RFTN2: variants seen among roughly 807,000 people sequenced by gnomAD.
The protein encoded by RFTN2 is raftlin family member 2, also known as raftlin-2.
In RFTN2, 34 loss-of-function variants were observed where a neutral mutation model predicts 52.7. The observed-to-expected ratio is 0.64, with a 90% CI of 0.49 to 0.86. The LOEUF is 0.86. RFTN2 is among the 40% of genes least tolerant of loss of function. The pLI is 0.00. For missense variants in RFTN2, 536 were observed against 600.1 expected, an observed-to-expected ratio of 0.89 and a Z score of 1.12; for synonymous variants, 203 against 217.7, an observed-to-expected ratio of 0.93 and a Z score of 0.59.
intron 2 of RFTN2, among the ~76,000 whole-genome samples, chr2:197,644,586 C>G (rs1312751098): frequency 6.6e-6 from 1 of 152,120 alleles, no homozygotes; most frequent in Non-Finnish European, 1.5e-5. Flanking sequence ...CGAACAAAAG[C>G]AGAAGTAAAA....
intron 8 of RFTN2, among the ~76,000 whole-genome samples, chr2:197,587,030 T>C (rs574645125): frequency 6.6e-6 from 1 of 152,256 alleles, no homozygotes; most frequent in African/African-American, 2.4e-5. Context: ...AATTCTTAAT[T>C]CTTTAATACC....
chr2:197,615,507 T>C (rs2088127156), intron 7 of RFTN2, among the ~76,000 whole-genome samples: 1 of 152,224 alleles, frequency 6.6e-6, no homozygotes, highest in African/African-American at 2.4e-5. Context: ...TTGGTTCTAA[T>C]GTAGGCATTT....
chr2:197,619,520 T>G (rs2106216339), intron 5 of RFTN2, among the ~76,000 whole-genome samples: 1 of 150,144 alleles, frequency 6.7e-6, no homozygotes, highest in African/African-American at 2.4e-5. Context: ...AAGATGTGCT[T>G]TGTTAAACAG....
intron 7 of RFTN2, among the ~76,000 whole-genome samples, chr2:197,603,679 G>A (rs1189262654): frequency 6.6e-6 from 1 of 152,136 alleles, no homozygotes; most frequent in African/African-American, 2.4e-5. Flanking sequence ...ACTTTGGGAG[G>A]TGAGGCAGGC....
At chr2:197,592,968 A>G (rs1439758493) in intron 8 of RFTN2, among the ~76,000 whole-genome samples, 1 of 152,202 alleles carries the variant, frequency 6.6e-6, no homozygotes, top group Non-Finnish European at 1.5e-5. Context: ...GCTGTTAGAC[A>G]CTTTGACTCC....
rs746747731 is a variant in RFTN2 at position 197,572,208 on chromosome 2, T to C, written c.1306A>G (p.Thr436Ala). The change falls in exon 9 of 9, where the codon ACC becomes GCC. Residue 436 changes from threonine to alanine, a missense_variant. Thr to Ala is a moderately conservative substitution (Grantham distance 58). Coordinates refer to ENST00000295049, the MANE Select transcript of RFTN2 (RefSeq NM_144629.3). Reference protein sequence around the residue: ...ATSRSIGLDTTSSQPAESRHL... With the variant: ...ATSRSIGLDTASSQPAESRHL... ...CTGCTCTCTGCAGGTTGTGACGAGG[T>C]TGTGTCTAATCCGATGCTTCTACTA... The C allele has an allele frequency of 6.2e-7, 1 of 1,614,204 alleles. No homozygotes were observed. Among genetic ancestry groups the C allele is most frequent in the East Asian group, 2.2e-5 (1 of 44,886 alleles).
chr2:197,637,724 G>C (rs1208690803), intron 3 of RFTN2, among the ~76,000 whole-genome samples: 1 of 149,692 alleles, frequency 6.7e-6, no homozygotes, highest in Non-Finnish European at 1.5e-5. Context: ...AGGGTTTTTT[G>C]TGTCTCTATT....
chr2:197,667,332 C>G lies in RFTN2; in HGVS notation c.139+7988G>C, dbSNP rs180774989. 1.4e-4 allele frequency among the ~76,000 whole-genome samples: 21 copies of G among 152,222 alleles called. No individual in the cohort carries two copies. In the East Asian group the frequency reaches 4.0e-3, roughly 29 times the overall value. On this transcript the variant is annotated intron_variant, in intron 1 of 8. Transcript: ENST00000295049. ...TCTCTGGTAAATTTGTCATTCATAT[C>G]CTGAATTGTTTTTCTGATTTATTTG...
At chr2:197,672,382 T>C (rs1388806125) in intron 1 of RFTN2, among the ~76,000 whole-genome samples, 1 of 152,148 alleles carries the variant, frequency 6.6e-6, no homozygotes, top group Non-Finnish European at 1.5e-5. Context: ...GAAAAATGTG[T>C]ATGAACCTTT....
In RFTN2 at chr2:197,633,799, C is replaced by G; in HGVS notation, c.637G>C (p.Glu213Gln). ...TGTCCACTTTCATGATGAAGTTCTT[C>G]CTCAATTCCGCTTTCAGATGACTGC... ...SGQSSESGIE[E>Q]ELHHESGQYQ... The change falls in exon 4 of 9, where the codon GAA becomes CAA. Residue 213 changes from glutamate to glutamine, a missense_variant. Coordinates refer to ENST00000295049, the MANE Select transcript of RFTN2 (RefSeq NM_144629.3). 1 of 1,613,854 alleles carries G rather than the reference C, an allele frequency of 6.2e-7. No homozygotes were observed. The highest frequency in any genetic ancestry group is 8.5e-7 in the Non-Finnish European group (1 of 1,179,834).
intron 5 of RFTN2, among the ~76,000 whole-genome samples, chr2:197,624,773 C>A (rs1226169298): frequency 6.6e-6 from 1 of 151,864 alleles, no homozygotes; most frequent in Non-Finnish European, 1.5e-5. Context: ...CCAGCCTGGG[C>A]AACATAGTGA....
At chr2:197,580,894 AT>A (rs991137242) in intron 8 of RFTN2, among the ~76,000 whole-genome samples, 1 of 152,016 alleles carries the variant, frequency 6.6e-6, no homozygotes, top group African/African-American at 2.4e-5. Context: ...TTTTAACCAA[AT>A]TATCTGCTTC....
chr2:197,625,682 TCC>T (rs2088343732), intron 5 of RFTN2, among the ~76,000 whole-genome samples: 1 of 123,444 alleles, frequency 8.1e-6, no homozygotes, highest in Non-Finnish European at 1.8e-5. Context: ...TCCTCTCCTC[TCC>T]TCTCCTCTCC....
intron 1 of RFTN2, among the ~76,000 whole-genome samples, chr2:197,664,391 G>T (rs1469510034): frequency 6.6e-6 from 1 of 151,522 alleles, no homozygotes; most frequent in African/African-American, 2.4e-5. Flanking sequence ...TGGGAGGATT[G>T]TTTGAGCCCA....
intron 1 of RFTN2, among the ~76,000 whole-genome samples, chr2:197,653,985 C>G (rs6733834): frequency 0.19 from 28,487 of 152,176 alleles, 2,792 homozygotes; most frequent in Middle Eastern, 0.27. Flanking sequence ...AAACCAGGAT[C>G]ATTTATCTTA....
chr2:197,582,443 C>A (rs1464783238), intron 8 of RFTN2, among the ~76,000 whole-genome samples: 1 of 152,224 alleles, frequency 6.6e-6, no homozygotes, highest in Non-Finnish European at 1.5e-5. Context: ...TCCTATTCCT[C>A]ACCCTGATCA....
chr2:197,648,041 AAATT>A (rs2088777536), intron 1 of RFTN2, among the ~76,000 whole-genome samples: 1 of 152,228 alleles, frequency 6.6e-6, no homozygotes, highest in Non-Finnish European at 1.5e-5. Context: ...AAGACATATG[AAATT>A]AATTCCAGAT....
At chr2:197,603,559 C>G (rs564718151) in intron 7 of RFTN2, among the ~76,000 whole-genome samples, 2 of 152,270 alleles carry the variant, frequency 1.3e-5, no homozygotes, top group South Asian at 4.2e-4. Flanking sequence ...CCAAGCTATC[C>G]TCCCAGCTTA....
At chr2:197,640,404 C>T (rs1198058860) in intron 3 of RFTN2, among the ~76,000 whole-genome samples, 2 of 152,368 alleles carry the variant, frequency 1.3e-5, no homozygotes, top group East Asian at 1.9e-4. Flanking sequence ...GGGCGTAGGA[C>T]CCTCCGAGCC....
Sources: allele counts gnomAD v4.1 joint callset (sites outside exome capture counted in the v4.1 genomes callset), GRCh38; gene constraint gnomAD v4.1.1; transcripts MANE v1.5; gene names NCBI Gene and HGNC (gene_info 2026-07-23, HGNC 2026-07-21).